Variants in SLC24A2 observed in about 807,000 individuals in gnomAD.
The protein encoded by SLC24A2 is sodium/potassium/calcium exchanger 2.
SLC24A2 carries 36 observed loss-of-function variants against 62.0 expected under a neutral mutation model. The ratio of observed to expected loss-of-function variants is 0.58; its 90% CI spans 0.44 to 0.77. The LOEUF is 0.77. SLC24A2 is among the 30% of genes least tolerant of loss of function. SLC24A2 has a pLI of 0.00. For missense variants in SLC24A2, 846 were observed against 817.9 expected (o/e 1.03, Z -0.42); for synonymous variants, 358 against 294.0 (o/e 1.22, Z -2.23).
At chr9:20,117,759 T>A in the SLC24A2 span, among the ~76,000 whole-genome samples, 1 of 152,136 alleles carries the variant, frequency 6.6e-6, no homozygotes, top group Non-Finnish European at 1.5e-5. Context: ...TAGTAATTGC[T>A]AACATTTACT....
the SLC24A2 span, among the ~76,000 whole-genome samples, chr9:20,020,340 G>A: frequency 9.2e-5 from 14 of 152,066 alleles, no homozygotes; most frequent in African/African-American, 3.4e-4. Flanking sequence ...ATCAATGATA[G>A]ACTGGATAAA....
the SLC24A2 span, among the ~76,000 whole-genome samples, chr9:20,242,545 C>G: frequency 6.6e-6 from 1 of 152,182 alleles, no homozygotes; most frequent in Non-Finnish European, 1.5e-5. Flanking sequence ...AGGGCCCCAG[C>G]TTTCAAGGCT....
At chr9:19,790,797 C>T (rs1409955), upstream of SLC24A2, among the ~76,000 whole-genome samples, 81,282 of 152,128 alleles carry the variant, frequency 0.53, 26,833 homozygotes, top group Middle Eastern at 0.76. Context: ...TTTAACAATC[C>T]TATTCTTCCC....
chr9:19,996,699 G>GCCA, the SLC24A2 span, among the ~76,000 whole-genome samples: 1 of 143,012 alleles, frequency 7.0e-6, no homozygotes, highest in South Asian at 2.2e-4. Flanking sequence ...CCGAGATGGT[G>GCCA]CCACTGCACC....
chr9:19,601,884 C>T (rs1005878861), intron 4 of SLC24A2, among the ~76,000 whole-genome samples: 2 of 152,276 alleles, frequency 1.3e-5, no homozygotes, highest in Non-Finnish European at 1.5e-5. Context: ...AGGTGCTTAA[C>T]CTGTAACTGA....
the SLC24A2 span, among the ~76,000 whole-genome samples, chr9:20,169,714 C>A: frequency 1.3e-5 from 2 of 150,996 alleles, no homozygotes; most frequent in East Asian, 2.0e-4. Context: ...CCAGACATAG[C>A]CTATCCAAAT....
At chr9:20,251,232 C>T in the SLC24A2 span, among the ~76,000 whole-genome samples, 1 of 152,206 alleles carries the variant, frequency 6.6e-6, no homozygotes, top group Non-Finnish European at 1.5e-5. Flanking sequence ...CCAAGCCTCT[C>T]ATACTCTTAG....
intron 8 of SLC24A2, among the ~76,000 whole-genome samples, chr9:19,540,673 A>G (rs1834206890): frequency 6.9e-6 from 1 of 145,030 alleles, no homozygotes; most frequent in Non-Finnish European, 1.5e-5. Flanking sequence ...TGAATCTGAC[A>G]ATTATGTGTC....
the SLC24A2 span, among the ~76,000 whole-genome samples, chr9:19,986,393 T>C: frequency 7.1e-5 from 10 of 139,892 alleles, no homozygotes; most frequent in Non-Finnish European, 1.6e-4. Flanking sequence ...AAAAGTTAAG[T>C]ATAGGATGAC....
chr9:20,138,932 T>G, the SLC24A2 span, among the ~76,000 whole-genome samples: 1 of 152,176 alleles, frequency 6.6e-6, no homozygotes, highest in Non-Finnish European at 1.5e-5. Flanking sequence ...TTTCCTTATT[T>G]CAACTTCATC....
At chr9:20,189,681 A>G in the SLC24A2 span, among the ~76,000 whole-genome samples, 3 of 152,208 alleles carry the variant, frequency 2.0e-5, no homozygotes, top group Non-Finnish European at 4.4e-5. Flanking sequence ...AGAGCTAACA[A>G]TGGTCTAGAT....
the SLC24A2 span, among the ~76,000 whole-genome samples, chr9:20,045,367 T>G: frequency 1.8e-4 from 28 of 152,004 alleles, no homozygotes; most frequent in African/African-American, 6.8e-4. Flanking sequence ...AGCTAAGACT[T>G]GAAAGAAGAG....
At chr9:19,965,529 G>A in the SLC24A2 span, among the ~76,000 whole-genome samples, 17 of 152,298 alleles carry the variant, frequency 1.1e-4, no homozygotes, top group African/African-American at 3.4e-4. Context: ...TGTGTGATGC[G>A]TAGCAAGTTG....
the SLC24A2 span, among the ~76,000 whole-genome samples, chr9:19,951,855 A>C: frequency 1.3e-5 from 2 of 152,122 alleles, no homozygotes; most frequent in Non-Finnish European, 2.9e-5. Flanking sequence ...TTTTCTCATC[A>C]ATTTCATCTC....
At chr9:20,295,136 G>A in the SLC24A2 span, among the ~76,000 whole-genome samples, 1,066 of 151,692 alleles carry the variant, frequency 7.0e-3, 8 homozygotes, top group African/African-American at 0.023. Flanking sequence ...CCACAATCCA[G>A]AATGTCAAAA....
intron 7 of SLC24A2, among the ~76,000 whole-genome samples, chr9:19,566,216 T>G (rs1835643419): frequency 6.6e-6 from 1 of 150,424 alleles, no homozygotes; most frequent in African/African-American, 2.4e-5. Flanking sequence ...AATCTACTCA[T>G]CTGACAAAGG....
chr9:20,171,313 A>C, the SLC24A2 span, among the ~76,000 whole-genome samples: 14 of 151,534 alleles, frequency 9.2e-5, no homozygotes, highest in Non-Finnish European at 1.5e-4. Flanking sequence ...ATAAAAAAAA[A>C]CAAGGTATAC....
chr9:20,129,771 G>C, the SLC24A2 span, among the ~76,000 whole-genome samples: 1 of 152,140 alleles, frequency 6.6e-6, no homozygotes, highest in African/African-American at 2.4e-5. Flanking sequence ...CCAAGGATTA[G>C]AGATGGGGAG....
At chr9:19,695,746 T>C (rs114930870) in intron 2 of SLC24A2, among the ~76,000 whole-genome samples, 2,870 of 149,810 alleles carry the variant, frequency 0.019, 95 homozygotes, top group African/African-American at 0.067. Context: ...AATGGATAGA[T>C]TAATTATAGA....
Sources: allele counts gnomAD v4.1 joint callset (sites outside exome capture counted in the v4.1 genomes callset), GRCh38; gene constraint gnomAD v4.1.1; transcripts MANE v1.5; gene names NCBI Gene and HGNC (gene_info 2026-07-23, HGNC 2026-07-21).